Variants in RAPGEF2 observed in about 807,000 individuals in gnomAD.
RAPGEF2 encodes the protein PDZ domain containing guanine nucleotide exchange factor (GEF) 1.
Under a neutral mutation model 186.7 loss-of-function variants are expected in RAPGEF2, and 54 were observed. The ratio of observed to expected loss-of-function variants is 0.29; its 90% confidence interval spans 0.23 to 0.36. RAPGEF2 has a LOEUF of 0.36. Ranked by LOEUF, RAPGEF2 falls within the 10% of genes least tolerant of loss-of-function variation. The pLI, the probability that RAPGEF2 is intolerant of heterozygous loss-of-function variation, is 1.00. For synonymous variants in RAPGEF2, 712 were observed against 705.9 expected, an observed-to-expected ratio of 1.01 and a Z score of -0.14; for missense variants, 1,532 against 2,045.0, an observed-to-expected ratio of 0.75 and a Z score of 4.84.
chr4:159,175,497 G>A (rs1451578259), intron 1 of RAPGEF2, among the ~76,000 whole-genome samples: 3 of 152,104 alleles, frequency 2.0e-5, no homozygotes, highest in African/African-American at 7.2e-5. Flanking sequence ...ACATTTCCCT[G>A]CTAAGGATGA....
At chr4:159,153,525 GA>G (rs766027627) in intron 1 of RAPGEF2, among the ~76,000 whole-genome samples, 2 of 152,194 alleles carry the variant, frequency 1.3e-5, no homozygotes, top group Non-Finnish European at 2.9e-5. Context: ...GGTGAATTTA[GA>G]ATGACTTTTA....
At chr4:159,336,800 A>G (rs1232304297) in intron 17 of RAPGEF2, among the ~76,000 whole-genome samples, 1 of 152,116 alleles carries the variant, frequency 6.6e-6, no homozygotes, top group Non-Finnish European at 1.5e-5. Flanking sequence ...AATAGTAGTT[A>G]TTATGATCAA....
intron 3 of RAPGEF2, among the ~76,000 whole-genome samples, chr4:159,198,634 TG>T (rs1749070974): frequency 3.3e-5 from 5 of 151,318 alleles, no homozygotes; most frequent in South Asian, 4.2e-4. Context: ...TTAGTAGTGC[TG>T]GGGTTTCGCC....
intron 3 of RAPGEF2, among the ~76,000 whole-genome samples, chr4:159,196,112 C>G (rs541325070): frequency 6.6e-6 from 1 of 152,124 alleles, no homozygotes; most frequent in East Asian, 1.9e-4. Flanking sequence ...TTTCATAAGG[C>G]CCAAAATTCA....
At chr4:159,282,958 G>A (rs530112691) in intron 7 of RAPGEF2, among the ~76,000 whole-genome samples, 1 of 152,204 alleles carries the variant, frequency 6.6e-6, no homozygotes, top group South Asian at 2.1e-4. Context: ...TAAAAAAAAT[G>A]CCTTTTTCTT....
intron 1 of RAPGEF2, among the ~76,000 whole-genome samples, chr4:159,137,852 C>G (rs1050227726): frequency 2.6e-5 from 4 of 151,822 alleles, no homozygotes; most frequent in Non-Finnish European, 5.9e-5. Flanking sequence ...AACTGTAATT[C>G]TTTAAAAACA....
intron 1 of RAPGEF2, among the ~76,000 whole-genome samples, chr4:159,127,578 G>A (rs569323727): frequency 5.9e-5 from 9 of 152,156 alleles, no homozygotes; most frequent in East Asian, 5.8e-4. Context: ...GCATAATTTC[G>A]TAATTATTAA....
At chr4:159,241,485 C>G (rs1016560273) in intron 6 of RAPGEF2, 117 bp downstream of exon 6, 1 of 380,392 alleles carries the variant, frequency 2.6e-6, no homozygotes, top group African/African-American at 2.1e-5. Flanking sequence ...TATATACACA[C>G]ACATTAAGTA....
rs1346716003 is a variant in RAPGEF2 at position 159,134,485 on chromosome 4, T to C, written c.69+30254T>C. Among the ~76,000 whole-genome samples, 3 of 152,236 alleles carry C rather than the reference T, an allele frequency of 2.0e-5. No individual in the cohort carries two copies. In the South Asian group the frequency reaches 6.2e-4, roughly 31 times the overall value. On this transcript the variant is annotated intron_variant, in intron 1 of 29. Transcript: ENST00000691494. ...TGGACACATGTTTTCCCCTTCTTGA[T>C]AGATACTTAAATGTGAGATTGTTAG...
At chr4:159,242,225 C>T (rs1346760906) in intron 6 of RAPGEF2, among the ~76,000 whole-genome samples, 1 of 151,216 alleles carries the variant, frequency 6.6e-6, no homozygotes, top group Non-Finnish European at 1.5e-5. Flanking sequence ...TGTGAAAGAT[C>T]ATTTATGCAT....
At chr4:159,289,523 T>C (rs977788948) in intron 7 of RAPGEF2, among the ~76,000 whole-genome samples, 51 of 152,154 alleles carry the variant, frequency 3.4e-4, no homozygotes, top group African/African-American at 1.2e-3. Flanking sequence ...GATCAAACAG[T>C]CCCTGTTCAA....
chr4:159,240,179 CT>C (rs1403098537), intron 5 of RAPGEF2, among the ~76,000 whole-genome samples: 1 of 152,018 alleles, frequency 6.6e-6, no homozygotes. Flanking sequence ...GTCTTTAAAA[CT>C]GAGTATTTTA....
intron 1 of RAPGEF2, among the ~76,000 whole-genome samples, chr4:159,176,680 A>G (rs917057041): frequency 1.3e-5 from 2 of 152,184 alleles, no homozygotes; most frequent in African/African-American, 2.4e-5. Flanking sequence ...AACGGTGCTA[A>G]ATTAAATTAG....
intron 4 of RAPGEF2, among the ~76,000 whole-genome samples, chr4:159,226,708 T>TA (rs1752073970): frequency 6.6e-6 from 1 of 152,214 alleles, no homozygotes; most frequent in African/African-American, 2.4e-5. Context: ...TTGTATTTAT[T>TA]CCTCAGTATT....
intron 4 of RAPGEF2, among the ~76,000 whole-genome samples, chr4:159,231,999 A>T (rs775926656): frequency 3.9e-5 from 6 of 152,128 alleles, no homozygotes; most frequent in Non-Finnish European, 7.4e-5. Flanking sequence ...GGTTCCTAAG[A>T]TTTGCTGTTT....
chr4:159,340,548 CAAAA>C (rs1228624166), intron 19 of RAPGEF2, among the ~76,000 whole-genome samples: 1 of 151,688 alleles, frequency 6.6e-6, no homozygotes, highest in African/African-American at 2.4e-5. Context: ...GTGAAATACA[CAAAA>C]AAAATTTTAG....
Position 159,210,487 on chromosome 4 carries a change from C to CT in RAPGEF2, c.198-9dup. The CT allele has an allele frequency of 2.0e-6, 3 of 1,514,610 alleles. No homozygotes were observed. The South Asian group carries it at 3.6e-5, about 18-fold the overall frequency. 93.8% of individuals were successfully genotyped at this position (1,514,610 alleles called of 1,614,324 possible). A position where few individuals can be genotyped will look rare whatever the true frequency, so the allele number is the denominator to read the frequency against. ...ATAGGTAACAATCTGATTCTGTTAC[C>CT]TTTTCTTTTCAGCCCTGATGATATT... On this transcript the variant is annotated splice_polypyrimidine_tract_variant and intron_variant, in intron 3 of 29. Coordinates refer to ENST00000691494, the MANE Select transcript of RAPGEF2 (RefSeq NM_001394067.2).
Position 159,331,476 on chromosome 4 carries a change from T to C in RAPGEF2, c.1513T>C (p.Phe505Leu). 6.2e-7 allele frequency: 1 copy of C among 1,613,258 alleles called. No individual in the cohort carries two copies. Among genetic ancestry groups the C allele is most frequent in the Non-Finnish European group, 8.5e-7 (1 of 1,179,276 alleles). Residue 505 changes from phenylalanine to leucine, a missense_variant, in exon 14 of 30, where the codon TTT becomes CTT. Coordinates refer to ENST00000691494, the MANE Select transcript of RAPGEF2 (RefSeq NM_001394067.2). ...LLWVNNHFND[F>L]EGDPAMTRFL... ...GTGGGTAAATAATCACTTCAATGACTTTGAAGGAGATCCTGCAATGACTCG... is the reference window on the plus strand; with the variant it reads ...GTGGGTAAATAATCACTTCAATGACCTTGAAGGAGATCCTGCAATGACTCG...
intron 2 of RAPGEF2, among the ~76,000 whole-genome samples, chr4:159,188,926 T>A (rs1428154557): frequency 6.6e-6 from 1 of 152,236 alleles, no homozygotes; most frequent in Non-Finnish European, 1.5e-5. Context: ...GTTGAAGTCA[T>A]ATTAATGGAA....
Sources: gnomAD v4.1 joint callset for allele counts (sites outside exome capture counted in the v4.1 genomes callset) on GRCh38, gnomAD v4.1.1 for gene constraint, MANE v1.5 for transcripts, NCBI Gene and HGNC (gene_info 2026-07-23, HGNC 2026-07-21) for gene names.